The following CTNNA2 variants were observed in gnomAD, a reference collection of about 807,000 sequenced individuals.
The protein encoded by CTNNA2 is catenin alpha 2.
Under a neutral mutation model 101.0 loss-of-function variants are expected in CTNNA2, and 42 were observed. That is an observed-to-expected ratio of 0.42 (90% CI 0.32 to 0.54). CTNNA2 has a LOEUF of 0.54. CTNNA2 is among the 20% of genes least tolerant of loss of function. CTNNA2 has a pLI of 0.14. For missense variants in CTNNA2, 871 were observed against 1,223.1 expected (o/e 0.71, Z 4.29); for synonymous variants, 450 against 456.4 (o/e 0.99, Z 0.18).
intron 7 of CTNNA2, among the ~76,000 whole-genome samples, chr2:80,202,749 G>T (rs1168406348): frequency 2.7e-5 from 4 of 149,952 alleles, no homozygotes; most frequent in African/African-American, 9.8e-5. Flanking sequence ...AAAAGAAAAA[G>T]ACAAAGCTAC....
intron 9 of CTNNA2, among the ~76,000 whole-genome samples, chr2:80,436,593 A>G (rs1367193592): frequency 6.6e-6 from 1 of 152,096 alleles, no homozygotes; most frequent in Non-Finnish European, 1.5e-5. Flanking sequence ...GGAACAAAAT[A>G]CCTTAGACTG....
rs184736712 is a variant in CTNNA2 at position 80,309,100 on chromosome 2, A to G, written c.1057-84111A>G. ...TGAGACTCTGTCTCAGAAAAAGGAAAAAAGAAAAAAAAGAGAGAGAGAGAG... is the reference window on the plus strand; with the variant it reads ...TGAGACTCTGTCTCAGAAAAAGGAAGAAAGAAAAAAAAGAGAGAGAGAGAG... On this transcript the variant is annotated intron_variant, in intron 7 of 18. Transcript: ENST00000402739. 2.2e-4 allele frequency among the ~76,000 whole-genome samples: 34 copies of G among 152,290 alleles called. 1 individual carries two copies. In the East Asian group the frequency reaches 6.6e-3, roughly 29 times the overall value.
intron 7 of CTNNA2, among the ~76,000 whole-genome samples, chr2:80,090,936 G>A (rs573126826): frequency 5.9e-5 from 9 of 152,124 alleles, no homozygotes; most frequent in East Asian, 1.9e-4. Flanking sequence ...TAATGGTCAC[G>A]AGAAGAATTA....
chr2:79,949,423 A>G (rs1054546199), intron 7 of CTNNA2, among the ~76,000 whole-genome samples: 15 of 152,346 alleles, frequency 9.8e-5, no homozygotes, highest in Admixed American at 7.8e-4. Flanking sequence ...TTTAACTTTC[A>G]GAACTGGTAT....
chr2:79,218,813 G>T (rs994628307), intron 2 of CTNNA2, among the ~76,000 whole-genome samples: 10 of 152,128 alleles, frequency 6.6e-5, no homozygotes, highest in African/African-American at 2.4e-4. Context: ...GAATCTTTCA[G>T]ACATTGTGTA....
At chr2:79,510,940 A>G (rs1245983541), upstream of CTNNA2, among the ~76,000 whole-genome samples, 1 of 152,224 alleles carries the variant, frequency 6.6e-6, no homozygotes, top group Non-Finnish European at 1.5e-5. Context: ...TTGCAATTAA[A>G]ACAAAAATTA....
intron 1 of CTNNA2, among the ~76,000 whole-genome samples, chr2:79,627,705 G>T (rs1415516802): frequency 6.6e-6 from 1 of 152,100 alleles, no homozygotes; most frequent in Non-Finnish European, 1.5e-5. Context: ...TGCTTCAAAT[G>T]ATTTAGAAAT....
At chr2:80,016,358 G>T (rs779008047) in intron 7 of CTNNA2, among the ~76,000 whole-genome samples, 1 of 152,134 alleles carries the variant, frequency 6.6e-6, no homozygotes, top group Non-Finnish European at 1.5e-5. Flanking sequence ...GGAGTGCCAG[G>T]CTGCTCAGAA....
At chr2:79,653,922 C>G (rs974173583) in intron 2 of CTNNA2, among the ~76,000 whole-genome samples, 2 of 152,126 alleles carry the variant, frequency 1.3e-5, no homozygotes, top group Middle Eastern at 3.2e-3. Flanking sequence ...CAAAGATTCT[C>G]TTTTCTCCGG....
intron 7 of CTNNA2, among the ~76,000 whole-genome samples, chr2:79,945,641 G>C (rs900002698): frequency 6.6e-6 from 1 of 152,076 alleles, no homozygotes; most frequent in African/African-American, 2.4e-5. Context: ...TTGACTTATT[G>C]GTTAAATTAT....
intron 18 of CTNNA2, among the ~76,000 whole-genome samples, chr2:80,642,474 A>AGAAAG (rs1481025786): frequency 6.6e-6 from 1 of 152,182 alleles, no homozygotes; most frequent in African/African-American, 2.4e-5. Flanking sequence ...AGTAGTTGGC[A>AGAAAG]GAAAGTATTC....
intron 1 of CTNNA2, among the ~76,000 whole-genome samples, chr2:79,634,351 G>A (rs1162862096): frequency 6.6e-6 from 1 of 152,148 alleles, no homozygotes; most frequent in East Asian, 1.9e-4. Context: ...ACCTTTAGAT[G>A]CAACTCTATT....
chr2:79,805,428 A>G (rs897568328), intron 3 of CTNNA2, among the ~76,000 whole-genome samples: 1 of 152,202 alleles, frequency 6.6e-6, no homozygotes, highest in Non-Finnish European at 1.5e-5. Flanking sequence ...TGCCTGTCAC[A>G]TGAGGTCAGG....
At chr2:80,098,211 T>C (rs1039851218) in intron 7 of CTNNA2, among the ~76,000 whole-genome samples, 4 of 151,884 alleles carry the variant, frequency 2.6e-5, no homozygotes, top group Non-Finnish European at 5.9e-5. Flanking sequence ...TGTTTGTTAG[T>C]TTTCCTTCTA....
At chr2:79,314,953 G>C (rs2104403639) in intron 3 of CTNNA2, among the ~76,000 whole-genome samples, 1 of 152,156 alleles carries the variant, frequency 6.6e-6, no homozygotes, top group African/African-American at 2.4e-5. Flanking sequence ...TAGGCTCAAA[G>C]GCACATTTTG....
At chr2:79,231,979 G>A (rs1424905761) in intron 2 of CTNNA2, among the ~76,000 whole-genome samples, 1 of 151,982 alleles carries the variant, frequency 6.6e-6, no homozygotes, top group South Asian at 2.1e-4. Flanking sequence ...GAGTTTTCTA[G>A]GTATAGAATC....
intron 1 of CTNNA2, among the ~76,000 whole-genome samples, chr2:79,636,294 A>T (rs13025637): frequency 7.6e-6 from 1 of 131,628 alleles, no homozygotes; most frequent in East Asian, 2.3e-4. Context: ...AAAAAAAAAA[A>T]AAAAAGGAAG....
At chr2:80,647,533 G>A in intron 18 of CTNNA2, 52 bp from the exon 19 acceptor site, 1 of 1,422,320 alleles carries the variant, frequency 7.0e-7, no homozygotes. Flanking sequence ...ACCATTTTGT[G>A]AATTTGGGGC....
intron 1 of CTNNA2, among the ~76,000 whole-genome samples, chr2:79,544,389 C>G (rs149239294): frequency 3.1e-4 from 47 of 152,128 alleles, no homozygotes; most frequent in African/African-American, 1.0e-3. Context: ...ACATGGCTTT[C>G]TTTTCTTTTC....
Sources: allele counts gnomAD v4.1 joint callset (sites outside exome capture counted in the v4.1 genomes callset), GRCh38; gene constraint gnomAD v4.1.1; transcripts MANE v1.5; gene names NCBI Gene and HGNC (gene_info 2026-07-23, HGNC 2026-07-21).